Variants in TBC1D22B observed in about 807,000 individuals in gnomAD.
TBC1D22B encodes TBC1 domain family member 22B, also known as chromosome 6 open reading frame 197.
TBC1D22B carries 32 observed loss-of-function variants against 69.1 expected under a neutral mutation model. The observed-to-expected ratio is 0.46, with a 90% CI of 0.35 to 0.62. The LOEUF (loss-of-function observed/expected upper bound fraction) is 0.62. Among genes scored for constraint, TBC1D22B ranks in the 20% least tolerant of loss-of-function variants. TBC1D22B has a pLI of 0.00. For synonymous variants in TBC1D22B, 206 were observed against 229.8 expected (o/e 0.90, Z 0.94); for missense variants, 462 against 630.9 (o/e 0.73, Z 2.87).
At position 37,257,780 on chromosome 6, in the gene TBC1D22B, G is replaced by A. The variant is rs553290723; in HGVS notation, c.-138G>A. Reference sequence around the variant, plus strand: ...TGGGTGGAGGGGTGCCCACATCCAAGATGGCGTCCCCAGGAGCTGGGAGCG... The same window carrying A: ...TGGGTGGAGGGGTGCCCACATCCAAAATGGCGTCCCCAGGAGCTGGGAGCG... On this transcript the variant is annotated 5_prime_UTR_variant, in exon 1 of 13. Transcript: ENST00000373491. 2 of 932,522 alleles carry A rather than the reference G, an allele frequency of 2.1e-6. No homozygotes were observed. The highest frequency in any genetic ancestry group is 3.3e-6 in the Non-Finnish European group (2 of 614,636). The allele number at this position is 932,522 out of a possible 1,614,324, so 57.8% of individuals were successfully genotyped here. A position where few individuals can be genotyped will look rare whatever the true frequency, so the allele number is the denominator to read the frequency against.
chr6:37,262,490 A>G (rs1431598231), intron 1 of TBC1D22B, among the ~76,000 whole-genome samples: 4 of 152,188 alleles, frequency 2.6e-5, no homozygotes, highest in African/African-American at 9.7e-5. Context: ...GCCAAAATCG[A>G]AATTACCTGA....
intron 8 of TBC1D22B, among the ~76,000 whole-genome samples, chr6:37,296,425 T>C (rs890322566): frequency 6.6e-6 from 1 of 151,926 alleles, no homozygotes; most frequent in Non-Finnish European, 1.5e-5. Flanking sequence ...TCATGGCTCA[T>C]TGTAGCCTCA....
chr6:37,269,545 T>C, intron 1 of TBC1D22B, 49 bp from the exon 2 acceptor site: 7 of 1,590,880 alleles, frequency 4.4e-6, no homozygotes, highest in Non-Finnish European at 6.0e-6. Flanking sequence ...CCAACATATT[T>C]AGTTTCCTAA....
chr6:37,258,285 G>C (rs1028242514), intron 1 of TBC1D22B: 3 of 352,092 alleles, frequency 8.5e-6, no homozygotes, highest in African/African-American at 6.5e-5. Flanking sequence ...CCCTGGTCTC[G>C]GAAGTTCCTC....
At chr6:37,310,067 A>G (rs1007326135) in intron 8 of TBC1D22B, among the ~76,000 whole-genome samples, 15 of 146,910 alleles carry the variant, frequency 1.0e-4, no homozygotes, top group African/African-American at 3.7e-4. Flanking sequence ...TATATAATGT[A>G]TAATTATATT....
chr6:37,263,793 C>G (rs886538190), intron 1 of TBC1D22B, among the ~76,000 whole-genome samples: 31 of 152,210 alleles, frequency 2.0e-4, no homozygotes, highest in Admixed American at 1.2e-3. Context: ...ACCATTTTGG[C>G]CAGGATAGTC....
In TBC1D22B at chr6:37,320,352, C is replaced by T. The variant is rs918019749; in HGVS notation, c.1389+3146C>T. 7.1e-4 allele frequency among the ~76,000 whole-genome samples: 108 copies of T among 152,096 alleles called. 1 individual carries two copies. Among genetic ancestry groups the T allele is most frequent in the African/African-American group, 2.5e-3 (103 of 41,400 alleles). ...TTTCTCTGTGCCTCCGTTTTCTTAT[C>T]TATAAATGGGGCAATAGTACCTACC... is the stretch of plus-strand genomic sequence containing the variant. On this transcript the variant is annotated intron_variant, in intron 12 of 12. Coordinates refer to ENST00000373491, the MANE Select transcript of TBC1D22B (RefSeq NM_017772.4).
chr6:37,262,174 G>A (rs1766127449), intron 1 of TBC1D22B, among the ~76,000 whole-genome samples: 1 of 151,772 alleles, frequency 6.6e-6, no homozygotes, highest in Admixed American at 6.6e-5. Context: ...GGGATTACAG[G>A]CACATGCCAC....
Position 37,279,473 on chromosome 6 carries a change from G to GC in TBC1D22B, c.284dup (p.Thr96AsnfsTer38), listed in dbSNP as rs777164605. On this transcript the variant is annotated frameshift_variant, in exon 3 of 13. Coordinates refer to ENST00000373491, the MANE Select transcript of TBC1D22B (RefSeq NM_017772.4). LOFTEE classifies it high-confidence loss of function. ...AACTCTGAACTCAAAAGTTGCTTTG[G>GC]CAACTGCAGCCCAAGTTCTAGAAAA... 1 of 1,614,008 alleles carries GC rather than the reference G, an allele frequency of 6.2e-7. No homozygotes were observed. Among genetic ancestry groups the GC allele is most frequent in the African/African-American group, 1.3e-5 (1 of 74,904 alleles).
chr6:37,283,890 G>A (rs556232692), intron 5 of TBC1D22B, among the ~76,000 whole-genome samples: 6 of 152,342 alleles, frequency 3.9e-5, no homozygotes, highest in East Asian at 1.9e-4. Flanking sequence ...GGAAAAGAAT[G>A]TAACTGGCAC....
chr6:37,287,066 A>G lies in TBC1D22B; in HGVS notation c.861A>G (p.Val287=). Residue 287 remains valine, a synonymous_variant, in exon 7 of 13, where the codon GTA becomes GTG. Coordinates refer to ENST00000373491, the MANE Select transcript of TBC1D22B (RefSeq NM_017772.4). ...PLIPLFQQPL[V]QEIFERILFI... ...TTCCGTTGTTCCAGCAACCACTTGT[A>G]CAGGAGGTGAGGGAATTACTTAATG... The G allele has an allele frequency of 1.2e-6, 2 of 1,601,864 alleles. No homozygotes were observed. Among genetic ancestry groups the G allele is most frequent in the Non-Finnish European group, 8.5e-7 (1 of 1,175,558 alleles).
chr6:37,303,774 A>G (rs1008194571), intron 8 of TBC1D22B, among the ~76,000 whole-genome samples: 19 of 152,202 alleles, frequency 1.2e-4, no homozygotes, highest in African/African-American at 4.1e-4. Flanking sequence ...ATCTTTGTGC[A>G]CCCTTTAAGA....
At chr6:37,261,864 G>A (rs1335630794) in intron 1 of TBC1D22B, among the ~76,000 whole-genome samples, 3 of 151,250 alleles carry the variant, frequency 2.0e-5, no homozygotes, top group Non-Finnish European at 2.9e-5. Flanking sequence ...GTGAATCTCC[G>A]TCTCTACTAA....
rs1768596729 is a variant in TBC1D22B at position 37,332,107 on chromosome 6, C to T, written c.*935C>T. 1.3e-5 allele frequency: 2 copies of T among 152,608 alleles called. No homozygotes were observed. The highest frequency in any genetic ancestry group is 2.9e-5 in the Non-Finnish European group (2 of 68,056). 9.5% of individuals were successfully genotyped at this position (152,608 alleles called of 1,614,324 possible). On this transcript the variant is annotated 3_prime_UTR_variant, in exon 13 of 13. Transcript: ENST00000373491. The stretch of plus-strand genomic sequence containing the variant: ...GTGAAAGCAATCTAGGTCACTAGCA[C>T]AGAGGAAGTTGCCAGGAAGGTGGCT...
intron 3 of TBC1D22B, among the ~76,000 whole-genome samples, chr6:37,281,592 G>A (rs1766830899): frequency 6.6e-6 from 1 of 152,222 alleles, no homozygotes; most frequent in African/African-American, 2.4e-5. Flanking sequence ...CCGGGTACAG[G>A]ATGTGCGGGG....
rs1581623873 is a variant in TBC1D22B, at chr6:37,312,967, G to A, written c.1032G>A (p.Leu344=). The stretch of plus-strand genomic sequence containing the variant: ...TGACCAACTTGTCTCAAGACATGCT[G>A]CGAAGCATTGAGGCTGACAGCTTTT... The part of the protein sequence containing the change: ...FDVTNLSQDM[L]RSIEADSFWC... The change falls in exon 9 of 13, where the codon CTG becomes CTA. Residue 344 remains leucine (L), a synonymous_variant. Transcript: ENST00000373491. 4 of 1,614,106 alleles carry A rather than the reference G, an allele frequency of 2.5e-6. No individual in the cohort carries two copies. Among genetic ancestry groups the A allele is most frequent in the Admixed American group, 1.7e-5 (1 of 60,006 alleles).
intron 7 of TBC1D22B, 41 bp from the exon 8 acceptor site, chr6:37,291,202 C>G: frequency 7.2e-7 from 1 of 1,384,988 alleles, no homozygotes; most frequent in Non-Finnish European, 1.0e-6. Flanking sequence ...GTGTGTGTCC[C>G]CGTGATTTAA....
intron 12 of TBC1D22B, among the ~76,000 whole-genome samples, chr6:37,327,388 G>C (rs1768448798): frequency 8.8e-6 from 1 of 113,262 alleles, no homozygotes; most frequent in South Asian, 2.9e-4. Flanking sequence ...TGAGGCAGGA[G>C]AATGGCGTGA....
At chr6:37,302,286 AGTG>A (rs1767593209) in intron 8 of TBC1D22B, among the ~76,000 whole-genome samples, 1 of 152,196 alleles carries the variant, frequency 6.6e-6, no homozygotes, top group Non-Finnish European at 1.5e-5. Context: ...GTCTGGGTCT[AGTG>A]GTGACAGTGC....
Sources: gnomAD v4.1 joint callset for allele counts (sites outside exome capture counted in the v4.1 genomes callset) on GRCh38, gnomAD v4.1.1 for gene constraint, MANE v1.5 for transcripts, NCBI Gene and HGNC (gene_info 2026-07-23, HGNC 2026-07-21) for gene names.